FGF12: variants seen among roughly 807,000 people sequenced by gnomAD.
FGF12 encodes fibroblast growth factor 12.
In FGF12, 14 loss-of-function variants were observed where a neutral mutation model predicts 23.6. The ratio of observed to expected loss-of-function variants is 0.59; its 90% CI spans 0.39 to 0.93. The LOEUF is 0.93. Ranked by LOEUF, FGF12 falls within the 40% of genes least tolerant of loss-of-function variation. FGF12 has a pLI of 0.00. For synonymous variants in FGF12, 62 were observed against 77.3 expected (o/e 0.80, Z 1.04); for missense variants, 175 against 217.8 (o/e 0.80, Z 1.24).
At chr3:192,593,232 T>C (rs1019363614) in intron 2 of FGF12, among the ~76,000 whole-genome samples, 11 of 151,842 alleles carry the variant, frequency 7.2e-5, no homozygotes, top group African/African-American at 2.7e-4. Flanking sequence ...GCCTCAGGCC[T>C]CTGCACAAGC....
intron 4 of FGF12, among the ~76,000 whole-genome samples, chr3:192,178,437 T>C (rs890169324): frequency 2.0e-5 from 3 of 152,154 alleles, no homozygotes; most frequent in Non-Finnish European, 4.4e-5. Flanking sequence ...TTTTCAAGCA[T>C]ATGCCAGATA....
At chr3:192,371,139 GA>G (rs1719209154) in intron 2 of FGF12, among the ~76,000 whole-genome samples, 1 of 152,186 alleles carries the variant, frequency 6.6e-6, no homozygotes, top group African/African-American at 2.4e-5. Flanking sequence ...GATTGCTGGA[GA>G]ATGCCGACCA....
At chr3:192,207,850 C>T (rs1717734276) in intron 4 of FGF12, among the ~76,000 whole-genome samples, 1 of 152,154 alleles carries the variant, frequency 6.6e-6, no homozygotes, top group South Asian at 2.1e-4. Context: ...TACCTGGGCT[C>T]CCTGCCACCA....
chr3:192,653,984 C>A (rs897353618), intron 2 of FGF12, among the ~76,000 whole-genome samples: 1 of 152,086 alleles, frequency 6.6e-6, no homozygotes, highest in African/African-American at 2.4e-5. Context: ...CCTTGGCCTC[C>A]CAAAATGCTG....
chr3:192,256,450 T>G (rs141365180), intron 4 of FGF12, among the ~76,000 whole-genome samples: 1 of 151,824 alleles, frequency 6.6e-6, no homozygotes, highest in Non-Finnish European at 1.5e-5. Context: ...TATGTTTACT[T>G]ATAAATATAA....
Position 192,267,378 on chromosome 3 carries a change from C to T in FGF12, c.228+67983G>A, listed in dbSNP as rs530166185. On this transcript the variant is annotated intron_variant, in intron 4 of 5. Transcript: ENST00000445105. ...CCGTCTAAAATTCCCATGCATTACG[C>T]TTTTCAATGGCCACAGATTAAAGGT... Among the ~76,000 whole-genome samples, 3 of 152,242 alleles carry T rather than the reference C, an allele frequency of 2.0e-5. No homozygotes were observed. In the South Asian group the frequency reaches 6.2e-4, roughly 32 times the overall value.
At chr3:192,714,808 G>A (rs891592344) in intron 2 of FGF12, among the ~76,000 whole-genome samples, 41 of 152,242 alleles carry the variant, frequency 2.7e-4, no homozygotes, top group Non-Finnish European at 4.7e-4. Context: ...GTGAGCCACC[G>A]CGCCCGGCCA....
chr3:192,146,031 G>A (rs1445142213), intron 5 of FGF12, among the ~76,000 whole-genome samples: 1 of 152,158 alleles, frequency 6.6e-6, no homozygotes, highest in Non-Finnish European at 1.5e-5. Flanking sequence ...AAGAAGCAAC[G>A]AGGTGATTTA....
chr3:192,323,445 T>A (rs918676225), intron 4 of FGF12, among the ~76,000 whole-genome samples: 5 of 152,070 alleles, frequency 3.3e-5, no homozygotes, highest in Non-Finnish European at 7.4e-5. Flanking sequence ...TTACGTTAAG[T>A]GAAATAAAAC....
At chr3:192,657,119 T>C (rs902315741) in intron 2 of FGF12, among the ~76,000 whole-genome samples, 3 of 152,054 alleles carry the variant, frequency 2.0e-5, no homozygotes, top group Non-Finnish European at 2.9e-5. Context: ...TTTTTTTCCT[T>C]TACATTCATA....
At position 192,263,549 on chromosome 3, in the gene FGF12, GA is replaced by G. The variant is rs35020572; in HGVS notation, c.228+71811del. ...TTTTAAAAAAATAAAAAAAAAGAGG[GA>G]AAAAAAAAAAACTATTCCTGAGCCA... On this transcript the variant is annotated intron_variant, in intron 4 of 5. Transcript: ENST00000445105. Among the ~76,000 whole-genome samples the G allele has an allele frequency of 9.4e-3, 1,314 of 140,464 alleles. 17 individuals carry two copies. Among genetic ancestry groups the G allele is most frequent in the African/African-American group, 0.03 (1,164 of 38,750 alleles). 92.1% of individuals were successfully genotyped at this position (140,464 alleles called of 152,430 possible).
intron 2 of FGF12, among the ~76,000 whole-genome samples, chr3:192,415,811 C>A (rs1421174165): frequency 6.7e-6 from 1 of 149,814 alleles, no homozygotes; most frequent in East Asian, 2.0e-4. Flanking sequence ...TATAATAAGG[C>A]AAACAGAGAG....
At chr3:192,433,223 A>T (rs1721919094) in intron 2 of FGF12, among the ~76,000 whole-genome samples, 1 of 152,186 alleles carries the variant, frequency 6.6e-6, no homozygotes, top group Non-Finnish European at 1.5e-5. Context: ...ATATAGAATG[A>T]TCCTTAAAGA....
intron 3 of FGF12, among the ~76,000 whole-genome samples, chr3:192,350,628 G>C (rs1485846713): frequency 6.6e-6 from 1 of 152,156 alleles, no homozygotes; most frequent in Non-Finnish European, 1.5e-5. Context: ...GAGGGGGATA[G>C]CTGGTCCCAA....
intron 2 of FGF12, among the ~76,000 whole-genome samples, chr3:192,724,076 GAAGA>G (rs913397671): frequency 2.0e-4 from 26 of 128,954 alleles, no homozygotes; most frequent in Non-Finnish European, 3.0e-4. Flanking sequence ...AAGAAGGAAG[GAAGA>G]AAGGAAGGAA....
chr3:192,528,162 C>G (rs565370414), intron 2 of FGF12, among the ~76,000 whole-genome samples: 214 of 152,282 alleles, frequency 1.4e-3, no homozygotes, highest in Middle Eastern at 3.4e-3. Context: ...AGTCCAAAGT[C>G]TCATCTGAGA....
chr3:192,230,711 A>G (rs1718973876), intron 4 of FGF12, among the ~76,000 whole-genome samples: 1 of 152,088 alleles, frequency 6.6e-6, no homozygotes, highest in South Asian at 2.1e-4. Context: ...GGTGGAAGTA[A>G]TCATTCTTTT....
intron 2 of FGF12, among the ~76,000 whole-genome samples, chr3:192,505,902 G>T (rs1458236396): frequency 6.6e-6 from 1 of 152,232 alleles, no homozygotes; most frequent in African/African-American, 2.4e-5. Flanking sequence ...GAGGGTTGGG[G>T]TGGGAGCTTT....
At chr3:192,396,362 G>A (rs1172085889) in intron 2 of FGF12, among the ~76,000 whole-genome samples, 2 of 152,176 alleles carry the variant, frequency 1.3e-5, no homozygotes, top group African/African-American at 2.4e-5. Context: ...TAACTTGACT[G>A]TAGATATTTA....
Sources: gnomAD v4.1 joint callset for allele counts (sites outside exome capture counted in the v4.1 genomes callset) on GRCh38, gnomAD v4.1.1 for gene constraint, MANE v1.5 for transcripts, NCBI Gene and HGNC (gene_info 2026-07-23, HGNC 2026-07-21) for gene names.